SUGCT: variants seen among roughly 807,000 people sequenced by gnomAD.
The protein encoded by SUGCT is succinyl-CoA:glutarate-CoA transferase, also known as succinyl-CoA:glutarate CoA-transferase.
A neutral mutation model predicts 55.0 loss-of-function variants in SUGCT; 41 were observed. The observed-to-expected ratio is 0.74, with a 90% confidence interval of 0.58 to 0.97. SUGCT has a LOEUF of 0.97. SUGCT is among the 50% of genes least tolerant of loss of function. The probability of loss-of-function intolerance (pLI) is 0.00; values close to 1 mark genes in which losing one functional copy is unlikely to be tolerated. For missense variants in SUGCT, 568 were observed against 547.8 expected, an observed-to-expected ratio of 1.04 and a Z score of -0.37; for synonymous variants, 187 against 200.4, an observed-to-expected ratio of 0.93 and a Z score of 0.56.
chr7:40,488,960 A>G (rs1011828925), intron 11 of SUGCT, among the ~76,000 whole-genome samples: 7 of 152,178 alleles, frequency 4.6e-5, no homozygotes, highest in Non-Finnish European at 5.9e-5. Flanking sequence ...TTTTGATGAA[A>G]TCTGTTTGGA....
At chr7:40,250,287 C>A (rs981265347) in intron 7 of SUGCT, among the ~76,000 whole-genome samples, 1 of 151,984 alleles carries the variant, frequency 6.6e-6, no homozygotes, top group African/African-American at 2.4e-5. Flanking sequence ...GTAGTCCCAG[C>A]TACTCTGGAG....
intron 12 of SUGCT, among the ~76,000 whole-genome samples, chr7:40,727,347 A>G (rs1011389381): frequency 1.3e-5 from 2 of 152,210 alleles, no homozygotes; most frequent in Non-Finnish European, 2.9e-5. Flanking sequence ...ATAAAGCTGT[A>G]GCATTTTGGA....
chr7:40,777,230 A>G (rs1789497496), intron 13 of SUGCT, among the ~76,000 whole-genome samples: 1 of 152,172 alleles, frequency 6.6e-6, no homozygotes, highest in Admixed American at 6.5e-5. Context: ...AGACCCAGAT[A>G]TTAGTTTCTA....
intron 6 of SUGCT, among the ~76,000 whole-genome samples, chr7:40,200,507 G>A (rs761000746): frequency 4.6e-5 from 7 of 152,108 alleles, no homozygotes; most frequent in Admixed American, 6.6e-5. Context: ...AAGGGGAGAA[G>A]TGATTGAGGC....
the SUGCT span, among the ~76,000 whole-genome samples, chr7:40,919,470 G>T: frequency 6.6e-6 from 1 of 152,160 alleles, no homozygotes; most frequent in Admixed American, 6.5e-5. Context: ...CAAACGGGGG[G>T]TTCTTAATAT....
At chr7:40,431,953 G>A (rs919210838) in intron 9 of SUGCT, among the ~76,000 whole-genome samples, 1 of 152,054 alleles carries the variant, frequency 6.6e-6, no homozygotes, top group Non-Finnish European at 1.5e-5. Flanking sequence ...CCCCATATAG[G>A]ATTATGTTAT....
At chr7:40,906,441 T>C in the SUGCT span, among the ~76,000 whole-genome samples, 5 of 152,238 alleles carry the variant, frequency 3.3e-5, no homozygotes, top group African/African-American at 1.2e-4. Context: ...AGAAAAATAA[T>C]GTGTAATTTT....
At chr7:40,297,726 CT>C (rs1794254745) in intron 8 of SUGCT, among the ~76,000 whole-genome samples, 1 of 152,010 alleles carries the variant, frequency 6.6e-6, no homozygotes, top group Admixed American at 6.6e-5. Context: ...TTTTTTGGGT[CT>C]TGTTTTGTTT....
chr7:40,377,056 T>A, intron 9 of SUGCT, among the ~76,000 whole-genome samples: 1 of 150,372 alleles, frequency 6.7e-6, no homozygotes, highest in Non-Finnish European at 1.5e-5. Flanking sequence ...GATTATCCTT[T>A]GGTGTTCACT....
chr7:40,898,480 C>CG, the SUGCT span, among the ~76,000 whole-genome samples: 128 of 5,678 alleles, frequency 0.023, 20 homozygotes, highest in Non-Finnish European at 0.04. Context: ...TCCGGGAGGT[C>CG]GGGGGGGGGG....
intron 9 of SUGCT, among the ~76,000 whole-genome samples, chr7:40,420,577 G>C (rs560235136): frequency 6.6e-6 from 1 of 152,132 alleles, no homozygotes; most frequent in Admixed American, 6.5e-5. Flanking sequence ...GACCTCAGGT[G>C]ATCCACCTGC....
intron 12 of SUGCT, among the ~76,000 whole-genome samples, chr7:40,507,131 AT>A (rs1792652461): frequency 2.0e-5 from 3 of 151,946 alleles, no homozygotes; most frequent in Admixed American, 6.6e-5. Context: ...GTGTCTCATA[AT>A]TTTTTGTTGT....
chr7:40,166,395 C>T (rs1055411298), intron 1 of SUGCT, among the ~76,000 whole-genome samples: 3 of 152,068 alleles, frequency 2.0e-5, no homozygotes, highest in Non-Finnish European at 2.9e-5. Context: ...CTCTAGAAGT[C>T]CTTTCTGAGT....
intron 11 of SUGCT, among the ~76,000 whole-genome samples, chr7:40,461,408 A>G (rs1008142708): frequency 6.6e-6 from 1 of 152,032 alleles, no homozygotes; most frequent in African/African-American, 2.4e-5. Context: ...TTCTTCTTAC[A>G]TGTTTCCAAA....
intron 1 of SUGCT, among the ~76,000 whole-genome samples, chr7:40,143,762 G>A (rs1788105819): frequency 6.6e-6 from 1 of 152,172 alleles, no homozygotes; most frequent in South Asian, 2.1e-4. Flanking sequence ...AGGCTTAGAG[G>A]AAGGTGCAGG....
At chr7:40,235,619 A>C (rs182588307) in intron 6 of SUGCT, among the ~76,000 whole-genome samples, 3 of 152,174 alleles carry the variant, frequency 2.0e-5, no homozygotes, top group African/African-American at 7.2e-5. Flanking sequence ...GAGCCACCGC[A>C]TCCAGCCAAA....
chr7:40,674,175 T>C (rs897340867), intron 12 of SUGCT, among the ~76,000 whole-genome samples: 4 of 152,340 alleles, frequency 2.6e-5, no homozygotes, highest in Middle Eastern at 3.4e-3. Flanking sequence ...CTATTTCTTC[T>C]TGGAAGGTAT....
At chr7:40,742,925 C>T in intron 12 of SUGCT, among the ~76,000 whole-genome samples, 1 of 152,092 alleles carries the variant, frequency 6.6e-6, no homozygotes, top group Admixed American at 6.5e-5. Context: ...AATATTACTC[C>T]AGTGTTTTTT....
intron 12 of SUGCT, among the ~76,000 whole-genome samples, chr7:40,711,488 C>T (rs1785718382): frequency 6.6e-6 from 1 of 151,758 alleles, no homozygotes; most frequent in Non-Finnish European, 1.5e-5. Context: ...TGTGACAGAG[C>T]AAGACTCTAT....
Sources: gnomAD v4.1 joint callset for allele counts (sites outside exome capture counted in the v4.1 genomes callset) on GRCh38, gnomAD v4.1.1 for gene constraint, MANE v1.5 for transcripts, NCBI Gene and HGNC (gene_info 2026-07-23, HGNC 2026-07-21) for gene names.